The following FANCL variants were observed in gnomAD, a reference collection of about 807,000 sequenced individuals.
The protein encoded by FANCL is E3 ubiquitin-protein ligase FANCL.
In FANCL, 69 loss-of-function variants were observed where a neutral mutation model predicts 59.4. The ratio of observed to expected loss-of-function variants is 1.16; its 90% confidence interval spans 0.96 to 1.42. The LOEUF is 1.42. FANCL is among the 40% of genes most tolerant of loss of function. FANCL has a pLI of 0.00. For missense variants in FANCL, 519 were observed against 447.2 expected, an observed-to-expected ratio of 1.16 and a Z score of -1.45; for synonymous variants, 180 against 147.1, an observed-to-expected ratio of 1.22 and a Z score of -1.62.
At chr2:58,165,602 T>A (rs969884981) in intron 8 of FANCL, 122 bp downstream of exon 8, 1 of 1,272,326 alleles carries the variant, frequency 7.9e-7, no homozygotes, top group Non-Finnish European at 1.1e-6. Flanking sequence ...AAGTTTATAC[T>A]AGAAAATTTT....
chr2:58,191,649 A>C lies in FANCL; in HGVS notation c.540+6945T>G, dbSNP rs1688930510. The stretch of plus-strand genomic sequence containing the variant: ...ATAAAATGCTGTCTTTAAAGTCTTT[A>C]ACATATACATAATTCAATATATAGA... On this transcript the variant is annotated intron_variant, in intron 7 of 13. Transcript: ENST00000233741. 2.0e-5 allele frequency among the ~76,000 whole-genome samples: 3 copies of C among 151,952 alleles called. No homozygotes were observed. In the South Asian group the frequency reaches 6.2e-4, roughly 31 times the overall value.
intron 7 of FANCL, among the ~76,000 whole-genome samples, chr2:58,173,842 T>G (rs1228500636): frequency 6.6e-6 from 1 of 151,988 alleles, no homozygotes; most frequent in Non-Finnish European, 1.5e-5. Context: ...ATAGACTGGC[T>G]AATTGGATAA....
chr2:58,227,726 G>A (rs1447367062), intron 3 of FANCL, among the ~76,000 whole-genome samples: 1 of 152,162 alleles, frequency 6.6e-6, no homozygotes, highest in Non-Finnish European at 1.5e-5. Flanking sequence ...GGTATGGCAG[G>A]CCAGGGTGGT....
chr2:58,186,571 C>A (rs1390430816), intron 7 of FANCL, among the ~76,000 whole-genome samples: 1 of 152,194 alleles, frequency 6.6e-6, no homozygotes, highest in East Asian at 1.9e-4. Flanking sequence ...GAAAAAGTTC[C>A]TCAGAATTCC....
At chr2:58,163,673 T>C (rs542601656) in intron 8 of FANCL, among the ~76,000 whole-genome samples, 156 bp from the exon 9 acceptor site, 3 of 152,004 alleles carry the variant, frequency 2.0e-5, no homozygotes, top group Non-Finnish European at 2.9e-5. Flanking sequence ...GTAAATATAA[T>C]TGAACCAAAA....
chr2:58,198,814 G>A, intron 6 of FANCL, 152 bp from the exon 7 acceptor site: 1 of 630,258 alleles, frequency 1.6e-6, no homozygotes, highest in Admixed American at 2.5e-5. Flanking sequence ...CGGATCACAA[G>A]GTCAGGAGAT....
intron 7 of FANCL, chr2:58,194,224 C>T (rs1458799988): frequency 2.1e-6 from 1 of 470,978 alleles, no homozygotes; most frequent in African/African-American, 2.0e-5. Flanking sequence ...TAGTGGCACA[C>T]TTACAGGCAA....
At chr2:58,194,694 G>T (rs977454010) in intron 7 of FANCL, among the ~76,000 whole-genome samples, 4 of 151,906 alleles carry the variant, frequency 2.6e-5, no homozygotes, top group Non-Finnish European at 5.9e-5. Context: ...TGAGACACCT[G>T]CACTGGCTAC....
intron 5 of FANCL, among the ~76,000 whole-genome samples, chr2:58,206,544 A>G (rs1163953196): frequency 1.3e-5 from 2 of 152,176 alleles, no homozygotes; most frequent in Non-Finnish European, 2.9e-5. Flanking sequence ...TGTACTTCAC[A>G]TTGTTGCTCA....
At chr2:58,214,649 G>A (rs764375123) in intron 5 of FANCL, among the ~76,000 whole-genome samples, 11 of 151,610 alleles carry the variant, frequency 7.3e-5, no homozygotes, top group Non-Finnish European at 1.5e-4. Context: ...AGCTAGGTGC[G>A]TACCACCACA....
chr2:58,224,800 T>C (rs1573790119), intron 4 of FANCL, among the ~76,000 whole-genome samples: 1 of 151,744 alleles, frequency 6.6e-6, no homozygotes, highest in African/African-American at 2.4e-5. Context: ...ATTTTCAGAG[T>C]AAAAGTGATA....
rs1363179318 is a variant in FANCL at position 58,177,265 on chromosome 2, G to C, written c.541-11391C>G. 4.6e-5 allele frequency among the ~76,000 whole-genome samples: 7 copies of C among 152,124 alleles called. No individual in the cohort carries two copies. The East Asian group carries it at 1.4e-3, about 29-fold the overall frequency. ...AGGACTAGAAATACCATTTGACCCA[G>C]CCATCCCATTACTGGGTATATACCC... is the stretch of plus-strand genomic sequence containing the variant. On this transcript the variant is annotated intron_variant, in intron 7 of 13. Transcript: ENST00000233741.
chr2:58,222,612 C>T (rs976691926), intron 4 of FANCL, among the ~76,000 whole-genome samples: 1 of 151,978 alleles, frequency 6.6e-6, no homozygotes, highest in Non-Finnish European at 1.5e-5. Flanking sequence ...ATTACAGTCC[C>T]GTTCCTTGCT....
intron 8 of FANCL, among the ~76,000 whole-genome samples, chr2:58,164,832 A>G (rs1281473431): frequency 6.6e-6 from 1 of 152,080 alleles, no homozygotes; most frequent in African/African-American, 2.4e-5. Context: ...TTTTGAAACC[A>G]GGAAAGTACC....
At chr2:58,234,570 G>C (rs1348615747) in intron 1 of FANCL, among the ~76,000 whole-genome samples, 1 of 151,556 alleles carries the variant, frequency 6.6e-6, no homozygotes, top group Non-Finnish European at 1.5e-5. Context: ...AAATAAAATA[G>C]TAGAAAAAAA....
chr2:58,168,569 C>A (rs1185209918), intron 7 of FANCL, among the ~76,000 whole-genome samples: 2 of 151,820 alleles, frequency 1.3e-5, no homozygotes, highest in African/African-American at 4.8e-5. Flanking sequence ...TTTTAATACC[C>A]CAGTGGCGCC....
chr2:58,203,431 TGG>T (rs1342416288), intron 6 of FANCL, among the ~76,000 whole-genome samples: 1 of 152,000 alleles, frequency 6.6e-6, no homozygotes, highest in Non-Finnish European at 1.5e-5. Flanking sequence ...TTGGACATCC[TGG>T]TTTTCTTCAA....
At chr2:58,240,899 A>C (rs1326234604) in intron 1 of FANCL, among the ~76,000 whole-genome samples, 3 of 152,228 alleles carry the variant, frequency 2.0e-5, no homozygotes, top group Non-Finnish European at 4.4e-5. Context: ...TTTACAAAAA[A>C]AAAATTAAAA....
chr2:58,200,037 G>C (rs1264059698), intron 6 of FANCL, among the ~76,000 whole-genome samples: 1 of 147,398 alleles, frequency 6.8e-6, no homozygotes, highest in Admixed American at 6.8e-5. Context: ...TGGCTATGTA[G>C]AACTAATTAA....
Sources: gnomAD v4.1 joint callset for allele counts (sites outside exome capture counted in the v4.1 genomes callset) on GRCh38, gnomAD v4.1.1 for gene constraint, MANE v1.5 for transcripts, NCBI Gene and HGNC (gene_info 2026-07-23, HGNC 2026-07-21) for gene names.